Variants in EXOC4 observed in about 807,000 individuals in gnomAD.
EXOC4 encodes the protein SEC8-like 1.
In EXOC4, 71 loss-of-function variants were observed where a neutral mutation model predicts 107.2. The ratio of observed to expected loss-of-function variants is 0.66; its 90% CI spans 0.55 to 0.81. The LOEUF is 0.81. Ranked by LOEUF, EXOC4 falls within the 30% of genes least tolerant of loss-of-function variation. EXOC4 has a pLI of 0.00. For missense variants in EXOC4, 1,108 were observed against 1,189.6 expected (o/e 0.93, Z 1.01); for synonymous variants, 456 against 441.2 (o/e 1.03, Z -0.42).
At chr7:133,339,172 C>T (rs1795601039) in intron 5 of EXOC4, among the ~76,000 whole-genome samples, 3 of 152,218 alleles carry the variant, frequency 2.0e-5, no homozygotes, top group Admixed American at 2.0e-4. Flanking sequence ...ATCCCAACTC[C>T]ATCCAGGTTG....
intron 9 of EXOC4, among the ~76,000 whole-genome samples, chr7:133,628,385 A>C (rs760584958): frequency 2.0e-5 from 3 of 152,146 alleles, no homozygotes; most frequent in Non-Finnish European, 4.4e-5. Flanking sequence ...CTAAACTTAC[A>C]CCAGACACCA....
rs932341173 is a variant in EXOC4 at position 133,846,233 on chromosome 7, T to A, written c.1734+28689T>A. Among the ~76,000 whole-genome samples, 4 of 152,230 alleles carry A rather than the reference T, an allele frequency of 2.6e-5. No individual in the cohort carries two copies. In the South Asian group the frequency reaches 8.3e-4, roughly 31 times the overall value. Reference sequence around the variant, plus strand: ...CCTGTCAGCTGCCTGCCTCATTACCTTAGACTTTCATATAATCTTTTAAGT... The same window carrying A: ...CCTGTCAGCTGCCTGCCTCATTACCATAGACTTTCATATAATCTTTTAAGT... On this transcript the variant is annotated intron_variant, in intron 11 of 17. Transcript: ENST00000253861.
intron 7 of EXOC4, among the ~76,000 whole-genome samples, chr7:133,420,705 G>A (rs1340073324): frequency 6.6e-6 from 1 of 152,006 alleles, no homozygotes. Context: ...TTCCTTAGAC[G>A]ATTACATTTT....
chr7:134,000,710 AAGAATT>A (rs1794511507), intron 15 of EXOC4, among the ~76,000 whole-genome samples: 1 of 152,162 alleles, frequency 6.6e-6, no homozygotes, highest in African/African-American at 2.4e-5. Context: ...GCTGTAAAAA[AAGAATT>A]AGAACGTAGG....
chr7:134,098,159 G>A, the EXOC4 span, among the ~76,000 whole-genome samples: 3 of 152,218 alleles, frequency 2.0e-5, no homozygotes, highest in African/African-American at 7.2e-5. Flanking sequence ...CAGGCTGGAT[G>A]TCGGGCAGCT....
intron 12 of EXOC4, among the ~76,000 whole-genome samples, chr7:133,912,309 G>A (rs545024991): frequency 6.6e-6 from 1 of 152,262 alleles, no homozygotes; most frequent in African/African-American, 2.4e-5. Flanking sequence ...TCCAATAATA[G>A]GCCACCTAGG....
chr7:133,572,043 A>C (rs1801034338), intron 9 of EXOC4, among the ~76,000 whole-genome samples: 1 of 152,220 alleles, frequency 6.6e-6, no homozygotes, highest in Non-Finnish European at 1.5e-5. Flanking sequence ...AGGTAGGCAC[A>C]GGGATTTTCT....
chr7:133,762,418 A>G (rs962923537), intron 10 of EXOC4, among the ~76,000 whole-genome samples: 2 of 152,174 alleles, frequency 1.3e-5, no homozygotes, highest in Non-Finnish European at 2.9e-5. Flanking sequence ...TTAAAATAAG[A>G]AACCTTTTTT....
intron 10 of EXOC4, among the ~76,000 whole-genome samples, chr7:133,651,565 A>T (rs560898207): frequency 1.3e-5 from 2 of 152,346 alleles, no homozygotes; most frequent in African/African-American, 4.8e-5. Context: ...GCATTAAACC[A>T]GGATTCCAAG....
At chr7:133,921,738 T>C (rs1338507459) in intron 13 of EXOC4, among the ~76,000 whole-genome samples, 1 of 152,188 alleles carries the variant, frequency 6.6e-6, no homozygotes, top group Non-Finnish European at 1.5e-5. Context: ...CTAATTGATT[T>C]GGAGTAATTT....
chr7:133,275,226 G>A, intron 2 of EXOC4, 55 bp downstream of exon 2: 2 of 1,391,646 alleles, frequency 1.4e-6, no homozygotes, highest in Non-Finnish European at 1.9e-6. Flanking sequence ...TATAGGTGTT[G>A]CAGCTTGGAG....
At chr7:133,715,544 G>C (rs1159724070) in intron 10 of EXOC4, among the ~76,000 whole-genome samples, 1 of 151,776 alleles carries the variant, frequency 6.6e-6, no homozygotes, top group Non-Finnish European at 1.5e-5. Flanking sequence ...ACAAGTTATA[G>C]TAATATAAAA....
chr7:133,496,601 C>T (rs191404329), intron 9 of EXOC4, among the ~76,000 whole-genome samples: 99 of 152,284 alleles, frequency 6.5e-4, no homozygotes, highest in Admixed American at 3.0e-3. Context: ...TTCGCACCTT[C>T]GAGGTGGAAG....
rs531117789 is a variant in EXOC4, at chr7:133,980,833, G to A, written c.2207-16659G>A. Among the ~76,000 whole-genome samples, 20 of 152,286 alleles carry A rather than the reference G, an allele frequency of 1.3e-4. No homozygotes were observed. The East Asian group carries it at 3.7e-3, about 28-fold the overall frequency. ...TTCTAGGGATTATGTGGCAAAACTG[G>A]AATGGATGTGTGAATAGTATTCATG... On this transcript the variant is annotated intron_variant, in intron 14 of 17. Transcript: ENST00000253861.
intron 3 of EXOC4, among the ~76,000 whole-genome samples, chr7:133,302,721 C>T (rs1183574399): frequency 6.6e-6 from 1 of 152,080 alleles, no homozygotes; most frequent in Non-Finnish European, 1.5e-5. Context: ...TGTTGCGTGT[C>T]ACACTTATGA....
At chr7:133,606,462 T>A (rs1466069840) in intron 9 of EXOC4, among the ~76,000 whole-genome samples, 1 of 151,866 alleles carries the variant, frequency 6.6e-6, no homozygotes, top group African/African-American at 2.4e-5. Flanking sequence ...TTAAACACAA[T>A]CTCCCTCTTG....
At chr7:134,075,317 T>C in the EXOC4 span, among the ~76,000 whole-genome samples, 1 of 152,158 alleles carries the variant, frequency 6.6e-6, no homozygotes, top group Admixed American at 6.6e-5. Flanking sequence ...TCCAGGAATA[T>C]AGTAGGATTG....
chr7:133,919,803 T>C (rs1234183172), intron 13 of EXOC4, among the ~76,000 whole-genome samples: 1 of 152,214 alleles, frequency 6.6e-6, no homozygotes, highest in Non-Finnish European at 1.5e-5. Flanking sequence ...GATATCTTAG[T>C]TGCTTTCAAG....
intron 10 of EXOC4, among the ~76,000 whole-genome samples, chr7:133,766,401 A>G (rs1479606347): frequency 1.3e-5 from 2 of 152,050 alleles, no homozygotes; most frequent in Non-Finnish European, 2.9e-5. Context: ...CTCGCTTTCT[A>G]TTTAAATTAA....
Sources: allele counts gnomAD v4.1 joint callset (sites outside exome capture counted in the v4.1 genomes callset), GRCh38; gene constraint gnomAD v4.1.1; transcripts MANE v1.5; gene names NCBI Gene and HGNC (gene_info 2026-07-23, HGNC 2026-07-21).